The following PCSK6 variants were observed in gnomAD, a reference collection of about 807,000 sequenced individuals.
The protein encoded by PCSK6 is proprotein convertase subtilisin/kexin type 6.
PCSK6 carries 85 observed loss-of-function variants against 123.3 expected under a neutral mutation model. The ratio of observed to expected loss-of-function variants is 0.69; its 90% CI spans 0.58 to 0.83. PCSK6 has a LOEUF of 0.83. PCSK6 is among the 40% of genes least tolerant of loss of function. PCSK6 has a pLI of 0.00. For synonymous variants in PCSK6, 508 were observed against 516.0 expected, an observed-to-expected ratio of 0.98 and a Z score of 0.21; for missense variants, 1,191 against 1,282.3, an observed-to-expected ratio of 0.93 and a Z score of 1.09.
chr15:101,379,968 A>G (rs1228544292), intron 11 of PCSK6, among the ~76,000 whole-genome samples: 2 of 152,130 alleles, frequency 1.3e-5, no homozygotes, highest in African/African-American at 2.4e-5. Context: ...CTCTGCAACA[A>G]CCACGTTACA....
rs1038938590 is a variant in PCSK6, at chr15:101,427,203, C to T, written c.823+689G>A. ...GCTAAATGGCAAGACCAGACGCACG[C>T]GGGGCAGGGGCGGCTGCTGCTCCGT... On this transcript the variant is annotated intron_variant, in intron 6 of 21. Coordinates refer to ENST00000611716, the MANE Select transcript of PCSK6 (RefSeq NM_002570.5). 5.1e-4 allele frequency among the ~76,000 whole-genome samples: 77 copies of T among 152,284 alleles called. 1 individual carries two copies. The highest frequency in any genetic ancestry group is 1.6e-3 in the African/African-American group (67 of 41,554).
At chr15:101,480,103 A>G (rs1465520149) in intron 1 of PCSK6, among the ~76,000 whole-genome samples, 2 of 152,208 alleles carry the variant, frequency 1.3e-5, no homozygotes, top group Non-Finnish European at 2.9e-5. Context: ...CCACTGATGG[A>G]TTCCCCCCAG....
intron 1 of PCSK6, among the ~76,000 whole-genome samples, chr15:101,452,864 C>T (rs555367912): frequency 2.0e-5 from 3 of 152,308 alleles, no homozygotes; most frequent in African/African-American, 7.2e-5. Flanking sequence ...CAGACACAGT[C>T]CTTGTTTATG....
At chr15:101,479,243 GA>G (rs2057808289) in intron 1 of PCSK6, among the ~76,000 whole-genome samples, 1 of 152,228 alleles carries the variant, frequency 6.6e-6, no homozygotes, top group African/African-American at 2.4e-5. Context: ...ACCACACAAG[GA>G]AGGGGCCCCC....
rs1354744623 is a variant in PCSK6, at chr15:101,407,695, C to T, written c.824-9119G>A. On this transcript the variant is annotated intron_variant, in intron 6 of 21. Coordinates refer to ENST00000611716, the MANE Select transcript of PCSK6 (RefSeq NM_002570.5). The stretch of plus-strand genomic sequence containing the variant: ...CCACTCCTTCCCACAGAAACCACCA[C>T]AAGGCCTCTGGCCCGTGTCTTCCCC... Among the ~76,000 whole-genome samples, 3 of 152,332 alleles carry T rather than the reference C, an allele frequency of 2.0e-5. No homozygotes were observed. In the East Asian group the frequency reaches 5.8e-4, roughly 29 times the overall value.
At chr15:101,440,523 C>A (rs1223611174) in intron 2 of PCSK6, among the ~76,000 whole-genome samples, 1 of 152,202 alleles carries the variant, frequency 6.6e-6, no homozygotes, top group Non-Finnish European at 1.5e-5. Context: ...TCAAAGCACT[C>A]CTATACAATA....
At position 101,482,644 on chromosome 15, in the gene PCSK6, G is replaced by A. The variant is rs181114097; in HGVS notation, c.297+6730C>T. On this transcript the variant is annotated intron_variant, in intron 1 of 21. Coordinates refer to ENST00000611716, the MANE Select transcript of PCSK6 (RefSeq NM_002570.5). Reference sequence around the variant, plus strand: ...CTGTCACCACCCAAAGCTCAAAGCCGGCAGGAGTATCAGGCGGTGTCCCAG... The same window carrying A: ...CTGTCACCACCCAAAGCTCAAAGCCAGCAGGAGTATCAGGCGGTGTCCCAG... 2.1e-3 allele frequency among the ~76,000 whole-genome samples: 327 copies of A among 152,282 alleles called. 1 individual carries two copies. The highest frequency in any genetic ancestry group is 6.8e-3 in the African/African-American group (282 of 41,542).
chr15:101,428,831 C>G (rs997860455), intron 5 of PCSK6, among the ~76,000 whole-genome samples: 1 of 152,164 alleles, frequency 6.6e-6, no homozygotes, highest in Non-Finnish European at 1.5e-5. Context: ...GGGCTGTTCC[C>G]GGGGTCACAG....
chr15:101,480,208 A>T (rs1817873798), intron 1 of PCSK6, among the ~76,000 whole-genome samples: 1 of 152,094 alleles, frequency 6.6e-6, no homozygotes, highest in Non-Finnish European at 1.5e-5. Context: ...CCCAACAAGG[A>T]CTCTAGAAGT....
chr15:101,342,565 A>T (rs765867656), intron 13 of PCSK6, among the ~76,000 whole-genome samples: 4 of 152,208 alleles, frequency 2.6e-5, no homozygotes, highest in Non-Finnish European at 4.4e-5. Context: ...TTGGCTGAAA[A>T]TTCTCCATTC....
At position 101,454,526 on chromosome 15, in the gene PCSK6, A is replaced by G. The variant is rs185611228; in HGVS notation, c.298-10866T>C. 1.1e-3 allele frequency among the ~76,000 whole-genome samples: 175 copies of G among 152,336 alleles called. No homozygotes were observed. The Middle Eastern group carries it at 0.014, about 12-fold the overall frequency. ...GCTCAGTGAAATGAGCCAGGCACTA[A>G]GGACGAATACTGAACGATTCTCCCT... On this transcript the variant is annotated intron_variant, in intron 1 of 21. Coordinates refer to ENST00000611716, the MANE Select transcript of PCSK6 (RefSeq NM_002570.5).
At chr15:101,340,160 G>A (rs1035221268) in intron 13 of PCSK6, among the ~76,000 whole-genome samples, 1 of 152,052 alleles carries the variant, frequency 6.6e-6, no homozygotes, top group Non-Finnish European at 1.5e-5. Flanking sequence ...CACGTCCATG[G>A]ATGCACATGG....
At chr15:101,413,648 T>A (rs1472944533) in intron 6 of PCSK6, among the ~76,000 whole-genome samples, 2 of 152,152 alleles carry the variant, frequency 1.3e-5, no homozygotes, top group African/African-American at 4.8e-5. Context: ...GGGGCTACAG[T>A]TAGCAACAAT....
chr15:101,429,807 T>C (rs973864089), intron 5 of PCSK6, among the ~76,000 whole-genome samples, 180 bp downstream of exon 5: 1 of 152,258 alleles, frequency 6.6e-6, no homozygotes, highest in Non-Finnish European at 1.5e-5. Flanking sequence ...CCACAGAAGC[T>C]GGCCGTGCCT....
chr15:101,326,394 C>T lies in PCSK6; in HGVS notation c.2163G>A (p.Gly721=). ...QCLNCVHFSL[G]SVKTSRKCVS... is the part of the protein sequence containing the mutation. ...TGCATTACCTGCTGGTCTTGACACT[C>T]CCCAGGCTGAAGTGGACGCAGTTCA... Residue 721 remains glycine (G), a synonymous_variant, in exon 16 of 22, where the codon GGG becomes GGA. Transcript: ENST00000611716. 2 of 1,575,694 alleles carry T rather than the reference C, an allele frequency of 1.3e-6. No individual in the cohort carries two copies. Among genetic ancestry groups the T allele is most frequent in the Non-Finnish European group, 1.7e-6 (2 of 1,160,358 alleles).
chr15:101,416,879 T>C (rs1415631917), intron 6 of PCSK6, among the ~76,000 whole-genome samples: 1 of 152,212 alleles, frequency 6.6e-6, no homozygotes, highest in East Asian at 1.9e-4. Context: ...GGGAAACACC[T>C]GGATGCCCAG....
chr15:101,450,628 A>G lies in PCSK6; in HGVS notation c.298-6968T>C, dbSNP rs1037168098. On this transcript the variant is annotated intron_variant, in intron 1 of 21. Transcript: ENST00000611716. ...GAAATGAACAGACTTCTGTCTCCAA[A>G]TGACATTGGGAGGATACACAGGTCT... is the stretch of plus-strand genomic sequence containing the variant. Among the ~76,000 whole-genome samples the G allele has an allele frequency of 7.9e-5, 12 of 152,112 alleles. No individual in the cohort carries two copies. In the East Asian group the frequency reaches 2.3e-3, roughly 29 times the overall value.
chr15:101,316,915 T>TTTTTTTTTTG (rs1265700006), intron 19 of PCSK6, among the ~76,000 whole-genome samples: 3 of 100,724 alleles, frequency 3.0e-5, no homozygotes, highest in Admixed American at 2.0e-4. Flanking sequence ...ATTCTGTTTT[T>TTTTTTTTTTG]TTTTTTTTTT....
At chr15:101,310,139 A>G (rs1249690209) in intron 20 of PCSK6, among the ~76,000 whole-genome samples, 1 of 151,836 alleles carries the variant, frequency 6.6e-6, no homozygotes, top group African/African-American at 2.4e-5. Context: ...CGCAGAACCA[A>G]TCGGACCAAG....
Sources: allele counts gnomAD v4.1 joint callset (sites outside exome capture counted in the v4.1 genomes callset), GRCh38; gene constraint gnomAD v4.1.1; transcripts MANE v1.5; gene names NCBI Gene and HGNC (gene_info 2026-07-23, HGNC 2026-07-21).